The following DOHH variants were observed in gnomAD, a reference collection of about 807,000 sequenced individuals.
DOHH encodes HEAT-like (PBS lyase) repeat containing 1.
Under a neutral mutation model 19.9 loss-of-function variants are expected in DOHH, and 16 were observed. That is an observed-to-expected ratio of 0.80 (90% confidence interval 0.54 to 1.22). The LOEUF is 1.22. Among genes scored for constraint, DOHH ranks in the 50% most tolerant of loss-of-function variants. DOHH has a pLI of 0.00. For synonymous variants in DOHH, 233 were observed against 217.0 expected, an observed-to-expected ratio of 1.07 and a Z score of -0.65; for missense variants, 460 against 460.6, an observed-to-expected ratio of 1.00 and a Z score of 0.01.
chr19:3,492,169 CGG>C (rs2082874551), intron 4 of DOHH, 91 bp downstream of exon 4: 2 of 1,199,792 alleles, frequency 1.7e-6, no homozygotes, highest in Non-Finnish European at 1.1e-6. Context: ...ATGCCGTTCC[CGG>C]GGGCAGGCCG....
chr19:3,491,880 A>G lies in DOHH; in HGVS notation c.590-69T>C. On this transcript the variant is annotated intron_variant, in intron 4 of 4. Transcript: ENST00000427575. The surrounding 1 kb of genome is among the most constrained non-coding windows in gnomAD (Gnocchi z 5.6). ...AGGGGAGCTCTGTCTTTTCGAAGAC[A>G]TGGGGTCTTGCTATCTTGCCCAGGC... 1 of 1,361,368 alleles carries G rather than the reference A, an allele frequency of 7.3e-7. No homozygotes were observed. Among genetic ancestry groups the G allele is most frequent in the South Asian group, 1.6e-5 (1 of 63,262 alleles). The allele number at this position is 1,361,368 out of a possible 1,614,324, so 84.3% of individuals were successfully genotyped here. A position where few individuals can be genotyped will look rare whatever the true frequency, so the allele number is the denominator to read the frequency against.
At chr19:3,494,653 C>T (rs932416949) in intron 2 of DOHH, among the ~76,000 whole-genome samples, 1 of 152,170 alleles carries the variant, frequency 6.6e-6, no homozygotes, top group African/African-American at 2.4e-5. Flanking sequence ...GCAAGGCTGG[C>T]GGCGGCTCCC....
chr19:3,497,566 A>G (rs540138934), intron 1 of DOHH, among the ~76,000 whole-genome samples: 2 of 152,346 alleles, frequency 1.3e-5, no homozygotes, highest in East Asian at 1.9e-4. Context: ...CAGCCAGCTA[A>G]GCCAGGCCCA....
intron 1 of DOHH, among the ~76,000 whole-genome samples, chr19:3,499,481 A>G (rs1172367486): frequency 2.0e-5 from 3 of 152,116 alleles, no homozygotes; most frequent in Admixed American, 2.0e-4. Flanking sequence ...CCTCAATAAA[A>G]ACAATAACCG....
Position 3,496,544 on chromosome 19 carries a change from C to T in DOHH, c.271G>A (p.Ala91Thr). 1 of 1,610,194 alleles carries T rather than the reference C, an allele frequency of 6.2e-7. No homozygotes were observed. Among genetic ancestry groups the T allele is most frequent in the Non-Finnish European group, 8.5e-7 (1 of 1,178,126 alleles). ...CGGGACACAGACAGGTGCTCACCTG[C>T]CTCATGGCGCACCATGGGCTCCTGA... is the stretch of plus-strand genomic sequence containing the variant. ...TRQEPMVRHEAGEALGAIGDP... is the reference protein window; with the variant it reads ...TRQEPMVRHETGEALGAIGDP... The change falls in exon 2 of 5, where the codon GCA (alanine) becomes ACA (threonine). Residue 91 changes from alanine (A) to threonine (T), a missense_variant. Physicochemically the swap from Ala to Thr is moderately conservative, Grantham distance 58. Coordinates refer to ENST00000427575, the MANE Select transcript of DOHH (RefSeq NM_001145165.2). The surrounding 1 kb of genome is among the most constrained non-coding windows in gnomAD (Gnocchi z 4.8).
Position 3,496,992 on chromosome 19 carries a change from C to A in DOHH, c.-72-106G>T, listed in dbSNP as rs1480871756. 2.7e-6 allele frequency: 2 copies of A among 741,850 alleles called. No homozygotes were observed. The highest frequency in any genetic ancestry group is 3.8e-6 in the Non-Finnish European group (2 of 527,328). The allele number at this position is 741,850 out of a possible 1,614,324, so 46.0% of individuals were successfully genotyped here. A position where few individuals can be genotyped will look rare whatever the true frequency, so the allele number is the denominator to read the frequency against. On this transcript the variant is annotated intron_variant, in intron 1 of 4. Coordinates refer to ENST00000427575, the MANE Select transcript of DOHH (RefSeq NM_001145165.2). This position sits in a 1 kb window ranked among gnomAD's most constrained non-coding sequence, Gnocchi z 4.8. ...ATTCCTACCCACTGACCAACCTGAG[C>A]ATCTACGCTGAAAGCTCAGCTCCAA...
chr19:3,492,247 G>A lies in DOHH; in HGVS notation c.589+15C>T. On this transcript the variant is annotated intron_variant, in intron 4 of 4. Transcript: ENST00000427575. ...AGGCACTGCCCAGGACCCCACCCCA[G>A]AAGCCCCTCCTCACCCTCGGCCAGC... is the stretch of plus-strand genomic sequence containing the variant. 6.9e-7 allele frequency: 1 copy of A among 1,457,008 alleles called. No homozygotes were observed. Among genetic ancestry groups the A allele is most frequent in the Non-Finnish European group, 9.0e-7 (1 of 1,115,122 alleles). 90.3% of individuals were successfully genotyped at this position (1,457,008 alleles called of 1,614,324 possible). A position where few individuals can be genotyped will look rare whatever the true frequency, so the allele number is the denominator to read the frequency against.
In DOHH at chr19:3,491,725, C is replaced by T. The variant is rs1451220221; in HGVS notation, c.676G>A (p.Ala226Thr). The change falls in exon 5 of 5, where the codon GCG becomes ACG. Residue 226 changes from alanine to threonine, a missense_variant. Coordinates refer to ENST00000427575, the MANE Select transcript of DOHH (RefSeq NM_001145165.2). This position sits in a 1 kb window ranked among gnomAD's most constrained non-coding sequence, Gnocchi z 5.6. ...TCGGTGCATCGGGCCAGGGCGGCCG[C>T]CAGCTGGGGCACCGCCGCCTCGTGC... ...LQHEAAVPQL[A>T]AALARCTENP... 2 of 1,508,608 alleles carry T rather than the reference C, an allele frequency of 1.3e-6. No individual in the cohort carries two copies. The highest frequency in any genetic ancestry group is 8.8e-7 in the Non-Finnish European group (1 of 1,132,574). 93.5% of individuals were successfully genotyped at this position (1,508,608 alleles called of 1,614,324 possible).
intron 3 of DOHH, among the ~76,000 whole-genome samples, chr19:3,492,790 T>G (rs1470612943): frequency 6.6e-6 from 1 of 151,958 alleles, no homozygotes; most frequent in Non-Finnish European, 1.5e-5. Context: ...GGAAAGGCCC[T>G]GAGGCAGGAC....
intron 3 of DOHH, among the ~76,000 whole-genome samples, chr19:3,493,466 T>C (rs1161224728): frequency 6.6e-6 from 1 of 152,024 alleles, no homozygotes; most frequent in Admixed American, 6.6e-5. Flanking sequence ...AAAGATTTGC[T>C]GAGCGTGGTG....
chr19:3,491,599 C>T lies in DOHH; in HGVS notation c.802G>A (p.Val268Met), dbSNP rs371355590. The T allele has an allele frequency of 2.0e-6, 3 of 1,536,012 alleles. No individual in the cohort carries two copies. The highest frequency in any genetic ancestry group is 4.9e-5 in the East Asian group (2 of 40,906). Reference protein sequence around the residue: ...LQAHADDPERVVRESCEVALD... With the variant: ...LQAHADDPERMVRESCEVALD... ...GCCACCTCGCAGCTCTCACGCACCACGCGCTCTGGGTCGTCCGCGTGAGCC... is the reference window on the plus strand; with the variant it reads ...GCCACCTCGCAGCTCTCACGCACCATGCGCTCTGGGTCGTCCGCGTGAGCC... Residue 268 changes from valine to methionine, a missense_variant, in exon 5 of 5, where the codon GTG becomes ATG. Val to Met is a conservative substitution (Grantham distance 21). Coordinates refer to ENST00000427575, the MANE Select transcript of DOHH (RefSeq NM_001145165.2). This position sits in a 1 kb window ranked among gnomAD's most constrained non-coding sequence, Gnocchi z 5.6.
chr19:3,499,751 T>G (rs73525957), intron 1 of DOHH, among the ~76,000 whole-genome samples: 12,325 of 152,118 alleles, frequency 0.081, 1,746 homozygotes, highest in African/African-American at 0.28. Context: ...CAGACTGAGC[T>G]ACAAAGCAAG....
In DOHH at chr19:3,491,368, C is replaced by T; in HGVS notation, c.*124G>A. Reference sequence around the variant, plus strand: ...CCCAGACGGAGGAGGGGGACAGCAACCATGCGCCCAGCAAGACACAAGCGA... The same window carrying T: ...CCCAGACGGAGGAGGGGGACAGCAATCATGCGCCCAGCAAGACACAAGCGA... On this transcript the variant is annotated 3_prime_UTR_variant, in exon 5 of 5. Transcript: ENST00000427575. This position sits in a 1 kb window ranked among gnomAD's most constrained non-coding sequence, Gnocchi z 5.6. 9.4e-7 allele frequency: 1 copy of T among 1,061,598 alleles called. No individual in the cohort carries two copies. The highest frequency in any genetic ancestry group is 1.5e-5 in the South Asian group (1 of 66,102). 65.8% of individuals were successfully genotyped at this position (1,061,598 alleles called of 1,614,324 possible). A position where few individuals can be genotyped will look rare whatever the true frequency, so the allele number is the denominator to read the frequency against.
Position 3,491,658 on chromosome 19 carries a change from G to C in DOHH, c.743C>G (p.Ala248Gly), listed in dbSNP as rs1275083174. 2.0e-6 allele frequency: 3 copies of C among 1,534,744 alleles called. No individual in the cohort carries two copies. In the East Asian group the frequency reaches 7.4e-5, roughly 38 times the overall value. ...VRHECAEALG[A>G]IARPACLAAL... The stretch of plus-strand genomic sequence containing the variant: ...GGCCAGGCAGGCGGGCCGGGCAATG[G>C]CGCCCAGGGCCTCCGCGCACTCGTG... The change falls in exon 5 of 5, where the codon GCC becomes GGC. Residue 248 changes from alanine to glycine, a missense_variant. Coordinates refer to ENST00000427575, the MANE Select transcript of DOHH (RefSeq NM_001145165.2). This position sits in a 1 kb window ranked among gnomAD's most constrained non-coding sequence, Gnocchi z 5.6.
At position 3,492,378 on chromosome 19, in the gene DOHH, A is replaced by G; in HGVS notation, c.473T>C (p.Val158Ala). ...CAGCAGCGCCTCCCGCAGGCGCCCC[A>G]CGTCACGCTCCTCAGCCGGCGGGGC... ...DPAPPAEERD[V>A]GRLREALLDE... The change falls in exon 4 of 5, where the codon GTG (valine) becomes GCG (alanine). Residue 158 changes from valine to alanine, a missense_variant. Physicochemically the swap from Val to Ala is moderately conservative, Grantham distance 64. Coordinates refer to ENST00000427575, the MANE Select transcript of DOHH (RefSeq NM_001145165.2). 1 of 1,538,070 alleles carries G rather than the reference A, an allele frequency of 6.5e-7. No individual in the cohort carries two copies. Among genetic ancestry groups the G allele is most frequent in the Non-Finnish European group, 8.7e-7 (1 of 1,149,242 alleles).
At chr19:3,499,636 G>T in intron 1 of DOHH, among the ~76,000 whole-genome samples, 1 of 152,162 alleles carries the variant, frequency 6.6e-6, no homozygotes, top group East Asian at 1.9e-4. Flanking sequence ...GCTGGGCGTG[G>T]TGGTGGGCGC....
chr19:3,491,071 TC>T lies in DOHH; in HGVS notation c.*420del. On this transcript the variant is annotated 3_prime_UTR_variant, in exon 5 of 5. Transcript: ENST00000427575. This position sits in a 1 kb window ranked among gnomAD's most constrained non-coding sequence, Gnocchi z 5.6. ...GCTTCCCTCGCGATCCTCCCCTGGC[TC>T]CCCTCGCGATCCTCCCTTGGCTTCC... is the stretch of plus-strand genomic sequence containing the variant. 1 of 228,678 alleles carries T rather than the reference TC, an allele frequency of 4.4e-6. No homozygotes were observed. 14.2% of individuals were successfully genotyped at this position (228,678 alleles called of 1,614,324 possible). A position where few individuals can be genotyped will look rare whatever the true frequency, so the allele number is the denominator to read the frequency against.
chr19:3,493,397 C>T (rs2084115380), intron 3 of DOHH, among the ~76,000 whole-genome samples: 1 of 152,204 alleles, frequency 6.6e-6, no homozygotes, highest in African/African-American at 2.4e-5. Context: ...ATCACGAGGT[C>T]AGGAGATCGA....
chr19:3,491,346 A>T lies in DOHH; in HGVS notation c.*146T>A. 2.3e-6 allele frequency: 2 copies of T among 856,092 alleles called. No homozygotes were observed. The highest frequency in any genetic ancestry group is 3.5e-6 in the Non-Finnish European group (2 of 567,622). 53.0% of individuals were successfully genotyped at this position (856,092 alleles called of 1,614,324 possible). On this transcript the variant is annotated 3_prime_UTR_variant, in exon 5 of 5. Coordinates refer to ENST00000427575, the MANE Select transcript of DOHH (RefSeq NM_001145165.2). The surrounding 1 kb of genome is among the most constrained non-coding windows in gnomAD (Gnocchi z 5.6). The stretch of plus-strand genomic sequence containing the variant: ...AGCACAACGGCAGCTCCTCGGTCCC[A>T]GACGGAGGAGGGGGACAGCAACCAT...
Sources: gnomAD v4.1 joint callset for allele counts (sites outside exome capture counted in the v4.1 genomes callset) on GRCh38, gnomAD v4.1.1 for gene constraint, Gnocchi (gnomAD v3.1) non-coding constraint, MANE v1.5 for transcripts, NCBI Gene and HGNC (gene_info 2026-07-23, HGNC 2026-07-21) for gene names.